PCLO: variants seen among roughly 807,000 people sequenced by gnomAD.
PCLO encodes protein piccolo.
Under a neutral mutation model 427.5 loss-of-function variants are expected in PCLO, and 82 were observed. The ratio of observed to expected loss-of-function variants is 0.19; its 90% CI spans 0.16 to 0.23. The LOEUF is 0.23. PCLO is among the 10% of genes least tolerant of loss of function. PCLO has a pLI of 1.00. For synonymous variants in PCLO, 2,357 were observed against 2,155.4 expected (o/e 1.09, Z -2.59); for missense variants, 6,239 against 6,115.9 (o/e 1.02, Z -0.67).
In PCLO at chr7:82,846,586, A is replaced by G; in HGVS notation, c.13812T>C (p.Leu4604=). The G allele has an allele frequency of 6.2e-7, 1 of 1,608,402 alleles. No individual in the cohort carries two copies. Among genetic ancestry groups the G allele is most frequent in the Non-Finnish European group, 8.5e-7 (1 of 1,176,682 alleles). The change falls in exon 12 of 25, where the codon CTT becomes CTC. Residue 4604 remains leucine, a synonymous_variant. Transcript: ENST00000333891. Reference sequence around the variant, plus strand: ...ACCTACCAGCTTTTGGTGGCTCATGAAGTTCCAGATGCTGGGAATTTTCAG... The same window carrying G: ...ACCTACCAGCTTTTGGTGGCTCATGGAGTTCCAGATGCTGGGAATTTTCAG... ...SDSENSQHLE[L]HEPPKAVDKA...
intron 17 of PCLO, among the ~76,000 whole-genome samples, 154 bp downstream of exon 17, chr7:82,827,719 A>AT (rs894610756): frequency 3.9e-5 from 6 of 151,944 alleles, no homozygotes; most frequent in Non-Finnish European, 8.8e-5. Context: ...AATGTCACTC[A>AT]TTTTTTTCCA....
intron 3 of PCLO, among the ~76,000 whole-genome samples, chr7:83,119,406 G>A: frequency 6.6e-6 from 1 of 152,074 alleles, no homozygotes. Flanking sequence ...GGATATTACT[G>A]AAGTCCACCA....
intron 21 of PCLO, among the ~76,000 whole-genome samples, chr7:82,803,468 C>CA (rs1489465105): frequency 1.3e-5 from 2 of 152,002 alleles, no homozygotes; most frequent in Non-Finnish European, 2.9e-5. Flanking sequence ...GATACCCAGC[C>CA]AGTCTTTGCT....
intron 3 of PCLO, among the ~76,000 whole-genome samples, chr7:83,094,567 T>C (rs60942123): frequency 0.46 from 69,837 of 151,988 alleles, 16,460 homozygotes; most frequent in East Asian, 0.71. Context: ...GTTGTATCAA[T>C]AGTTTAAGTT....
At chr7:83,091,010 G>T (rs1790364505) in intron 3 of PCLO, among the ~76,000 whole-genome samples, 1 of 152,002 alleles carries the variant, frequency 6.6e-6, no homozygotes, top group African/African-American at 2.4e-5. Flanking sequence ...TAAGTCCCTT[G>T]CCTAAATGAT....
At chr7:83,130,193 T>C (rs917712618) in intron 3 of PCLO, among the ~76,000 whole-genome samples, 2 of 152,160 alleles carry the variant, frequency 1.3e-5, no homozygotes, top group Non-Finnish European at 2.9e-5. Flanking sequence ...CCATTATTAT[T>C]ATTTGAGACG....
intron 3 of PCLO, among the ~76,000 whole-genome samples, chr7:83,020,409 C>G (rs182898715): frequency 1.4e-5 from 2 of 147,176 alleles, no homozygotes; most frequent in Non-Finnish European, 3.0e-5. Flanking sequence ...AGAGGGGGGG[C>G]CTTTGAGGGA....
chr7:82,759,329 C>G (rs1790383306), intron 24 of PCLO, among the ~76,000 whole-genome samples: 1 of 151,588 alleles, frequency 6.6e-6, no homozygotes, highest in African/African-American at 2.4e-5. Context: ...TAATTTTATT[C>G]TCTTTTTCTC....
At position 83,069,755 on chromosome 7, in the gene PCLO, A is replaced by G. The variant is rs1407809099; in HGVS notation, c.3300+64495T>C. ...CTCTTTATATTCTTGGCTCTTCACA[A>G]CATACTCTAAAGATTCTCCACCTCC... On this transcript the variant is annotated intron_variant, in intron 3 of 24. Coordinates refer to ENST00000333891, the MANE Select transcript of PCLO (RefSeq NM_033026.6). 3.3e-5 allele frequency among the ~76,000 whole-genome samples: 5 copies of G among 149,874 alleles called. No individual in the cohort carries two copies. The Admixed American group carries it at 3.4e-4, about 10-fold the overall frequency.
chr7:83,126,712 C>T (rs982731429), intron 3 of PCLO, among the ~76,000 whole-genome samples: 6 of 151,866 alleles, frequency 4.0e-5, no homozygotes, highest in Non-Finnish European at 8.8e-5. Context: ...GACACTCCCT[C>T]CCCCAAAATC....
intron 10 of PCLO, among the ~76,000 whole-genome samples, chr7:82,853,291 G>A (rs933758482): frequency 6.6e-6 from 1 of 151,924 alleles, no homozygotes; most frequent in Non-Finnish European, 1.5e-5. Context: ...CATCAAAGCA[G>A]GCTCAATCTG....
chr7:83,060,751 T>C (rs1789523686), intron 3 of PCLO, among the ~76,000 whole-genome samples: 1 of 152,168 alleles, frequency 6.6e-6, no homozygotes, highest in African/African-American at 2.4e-5. Flanking sequence ...TTTCAAAAAA[T>C]AGTGCACTGA....
chr7:82,760,320 T>C (rs1161621146), intron 24 of PCLO, among the ~76,000 whole-genome samples: 1 of 151,784 alleles, frequency 6.6e-6, no homozygotes. Flanking sequence ...TAAATGACAA[T>C]AGGCCAGGTA....
intron 6 of PCLO, among the ~76,000 whole-genome samples, chr7:82,941,693 A>G (rs561444121): frequency 3.3e-5 from 5 of 152,348 alleles, no homozygotes; most frequent in African/African-American, 1.2e-4. Context: ...GTATAATATT[A>G]AATGTTAAGA....
intron 21 of PCLO, 28 bp from the exon 22 acceptor site, chr7:82,801,619 A>G (rs756185059): frequency 1.1e-5 from 15 of 1,365,844 alleles, no homozygotes; most frequent in Non-Finnish European, 9.4e-6. Flanking sequence ...AAAATGATAT[A>G]TTCAGTTATG....
intron 20 of PCLO, among the ~76,000 whole-genome samples, chr7:82,815,486 C>T: frequency 6.6e-6 from 1 of 152,096 alleles, no homozygotes; most frequent in Non-Finnish European, 1.5e-5. Flanking sequence ...CTATATTTCT[C>T]TATATTCCAA....
intron 3 of PCLO, among the ~76,000 whole-genome samples, chr7:83,035,905 G>A (rs949893929): frequency 9.2e-5 from 14 of 152,120 alleles, no homozygotes; most frequent in Non-Finnish European, 2.1e-4. Flanking sequence ...ACATTAGAGA[G>A]TGAAAAATTG....
intron 3 of PCLO, among the ~76,000 whole-genome samples, chr7:83,043,912 CTTTTT>C (rs869061778): frequency 2.1e-5 from 2 of 94,914 alleles, no homozygotes; most frequent in African/African-American, 8.2e-5. Context: ...CTATTATTTT[CTTTTT>C]TTTTTTTTTT....
At chr7:82,877,699 CTTG>C in intron 10 of PCLO, among the ~76,000 whole-genome samples, 1 of 152,214 alleles carries the variant, frequency 6.6e-6, no homozygotes, top group South Asian at 2.1e-4. Flanking sequence ...GAGTCTCACT[CTTG>C]TTGTCCAGGC....
Sources: gnomAD v4.1 joint callset for allele counts (sites outside exome capture counted in the v4.1 genomes callset) on GRCh38, gnomAD v4.1.1 for gene constraint, MANE v1.5 for transcripts, NCBI Gene and HGNC (gene_info 2026-07-23, HGNC 2026-07-21) for gene names.